The following SEMA6D variants were observed in gnomAD, a reference collection of about 807,000 sequenced individuals.
SEMA6D encodes the protein semaphorin 6D, also known as semaphorin-6D.
SEMA6D carries 35 observed loss-of-function variants against 106.6 expected under a neutral mutation model. That is an observed-to-expected ratio of 0.33 (90% CI 0.25 to 0.44). The LOEUF is 0.44. SEMA6D is among the 20% of genes least tolerant of loss of function. The pLI is 1.00. For synonymous variants in SEMA6D, 499 were observed against 487.7 expected, an observed-to-expected ratio of 1.02 and a Z score of -0.31; for missense variants, 1,185 against 1,345.9, an observed-to-expected ratio of 0.88 and a Z score of 1.87.
chr15:47,687,690 G>A (rs1197334964), intron 4 of SEMA6D, among the ~76,000 whole-genome samples: 2 of 152,154 alleles, frequency 1.3e-5, no homozygotes, highest in Non-Finnish European at 2.9e-5. Flanking sequence ...AGCATGTTCA[G>A]AAGGGATCCC....
chr15:47,373,646 T>C (rs1014769963), intron 1 of SEMA6D, among the ~76,000 whole-genome samples: 1 of 152,194 alleles, frequency 6.6e-6, no homozygotes, highest in African/African-American at 2.4e-5. Flanking sequence ...CGTCCATATG[T>C]GATGAGTAAG....
At chr15:47,246,548 G>A (rs180730857) in intron 1 of SEMA6D, among the ~76,000 whole-genome samples, 7 of 152,054 alleles carry the variant, frequency 4.6e-5, no homozygotes, top group South Asian at 2.1e-4. Context: ...TCCAGCTTCC[G>A]GAAACTACTT....
intron 1 of SEMA6D, among the ~76,000 whole-genome samples, chr15:47,281,726 T>A (rs746184764): frequency 5.3e-5 from 8 of 152,112 alleles, no homozygotes; most frequent in Non-Finnish European, 1.0e-4. Context: ...TAACATAAAT[T>A]TTATTTTCGA....
At chr15:47,205,460 A>G (rs551036551) in intron 1 of SEMA6D, among the ~76,000 whole-genome samples, 1 of 152,276 alleles carries the variant, frequency 6.6e-6, no homozygotes, top group Non-Finnish European at 1.5e-5. Flanking sequence ...AAATAAGTAA[A>G]CCTTCAGGTT....
intron 3 of SEMA6D, among the ~76,000 whole-genome samples, chr15:47,597,834 C>G (rs959653388): frequency 6.7e-6 from 1 of 149,224 alleles, no homozygotes; most frequent in Non-Finnish European, 1.5e-5. Context: ...TTCAGTCATT[C>G]CACATCATTC....
intron 4 of SEMA6D, among the ~76,000 whole-genome samples, chr15:47,647,942 C>T (rs942275788): frequency 2.6e-5 from 4 of 152,076 alleles, no homozygotes; most frequent in African/African-American, 4.8e-5. Context: ...TCATCCTTTC[C>T]GCACACTCAC....
chr15:47,444,693 G>A (rs779711152), intron 2 of SEMA6D, among the ~76,000 whole-genome samples: 1 of 152,062 alleles, frequency 6.6e-6, no homozygotes, highest in Non-Finnish European at 1.5e-5. Flanking sequence ...ACCCCTTACA[G>A]GAATGGGAAC....
chr15:47,737,442 A>C (rs1215156643), intron 1 of SEMA6D, among the ~76,000 whole-genome samples: 1 of 152,200 alleles, frequency 6.6e-6, no homozygotes. Context: ...TATTAATTTT[A>C]AAGGGGAAAA....
intron 1 of SEMA6D, among the ~76,000 whole-genome samples, chr15:47,230,418 G>C (rs1429966282): frequency 6.6e-6 from 1 of 151,996 alleles, no homozygotes; most frequent in Non-Finnish European, 1.5e-5. Flanking sequence ...ACCAATAACT[G>C]ACATATAAAT....
At chr15:47,310,008 G>T (rs1258179791) in intron 1 of SEMA6D, among the ~76,000 whole-genome samples, 1 of 152,180 alleles carries the variant, frequency 6.6e-6, no homozygotes. Flanking sequence ...GGCCTTGACT[G>T]ACTGTACAAG....
At chr15:47,471,008 G>A (rs1357053927) in intron 3 of SEMA6D, among the ~76,000 whole-genome samples, 1 of 152,136 alleles carries the variant, frequency 6.6e-6, no homozygotes, top group African/African-American at 2.4e-5. Context: ...CAGCCACACA[G>A]GAAGGCAAGT....
chr15:47,746,970 CTGTG>C (rs769358318), intron 1 of SEMA6D, among the ~76,000 whole-genome samples: 66 of 130,462 alleles, frequency 5.1e-4, no homozygotes, highest in Non-Finnish European at 6.4e-4. Context: ...CAGTCTCCTG[CTGTG>C]TGTGTGTGTG....
rs757522124 is a variant in SEMA6D at position 47,759,915 on chromosome 15, G to C, written c.109+8G>C. 26 of 1,581,016 alleles carry C rather than the reference G, an allele frequency of 1.6e-5. No homozygotes were observed. In the South Asian group the frequency reaches 2.9e-4, roughly 18 times the overall value. On this transcript the variant is annotated splice_region_variant and intron_variant, in intron 2 of 18. Coordinates refer to ENST00000536845, the MANE Select transcript of SEMA6D (RefSeq NM_001358351.3). ...ATACTGTCGACTATCACTGTAAGTC[G>C]TCTCAAGAACAGTCTTCTATTCTGA...
intron 4 of SEMA6D, among the ~76,000 whole-genome samples, chr15:47,699,132 G>A (rs1020192295): frequency 1.3e-5 from 2 of 152,162 alleles, no homozygotes; most frequent in Non-Finnish European, 2.9e-5. Flanking sequence ...AGGACAAGAA[G>A]GGTGAGCCTA....
chr15:47,360,149 A>G (rs1478490855), intron 1 of SEMA6D: 2 of 152,184 alleles, frequency 1.3e-5, no homozygotes. Flanking sequence ...CATCCTGCCC[A>G]TCAGTGAAGG....
At chr15:47,350,678 T>A (rs1214931315) in intron 1 of SEMA6D, among the ~76,000 whole-genome samples, 3 of 152,216 alleles carry the variant, frequency 2.0e-5, no homozygotes, top group Non-Finnish European at 4.4e-5. Flanking sequence ...TCATTTGTAT[T>A]TTATTAAAAT....
intron 3 of SEMA6D, among the ~76,000 whole-genome samples, chr15:47,479,185 T>C (rs1275760364): frequency 6.6e-6 from 1 of 152,126 alleles, no homozygotes; most frequent in African/African-American, 2.4e-5. Flanking sequence ...TTCATACATA[T>C]ATAATTTTTT....
intron 1 of SEMA6D, among the ~76,000 whole-genome samples, chr15:47,242,608 A>G (rs1261420573): frequency 6.6e-6 from 1 of 152,210 alleles, no homozygotes; most frequent in Non-Finnish European, 1.5e-5. Context: ...TCTGCAAAAA[A>G]CAGATATTGC....
In SEMA6D at chr15:47,304,433, T is replaced by TAAAAAAAAAAAAAAA. The variant is rs56185341; in HGVS notation, c.-238-107938_-238-107924dup. 8.5e-5 allele frequency among the ~76,000 whole-genome samples: 8 copies of TAAAAAAAAAAAAAAA among 93,836 alleles called. 1 individual carries two copies. The highest frequency in any genetic ancestry group is 4.9e-4 in the African/African-American group (8 of 16,336). The allele number at this position is 93,836 out of a possible 152,430, so 61.6% of individuals were successfully genotyped here. ...TGCACTCCAGCCTGAGCCTTCTAAC[T>TAAAAAAAAAAAAAAA]AAAAAAAAAAAAAAAAAAAAAAAAA... On this transcript the variant is annotated intron_variant, in intron 1 of 19. Coordinates refer to the SEMA6D transcript ENST00000558014.
Sources: gnomAD v4.1 joint callset for allele counts (sites outside exome capture counted in the v4.1 genomes callset) on GRCh38, gnomAD v4.1.1 for gene constraint, MANE v1.5 for transcripts, NCBI Gene and HGNC (gene_info 2026-07-23, HGNC 2026-07-21) for gene names.